The following CPNE2 variants were observed in gnomAD, a reference collection of about 807,000 sequenced individuals.
CPNE2 encodes copine 2, also known as copine-2.
Under a neutral mutation model 69.7 loss-of-function variants are expected in CPNE2, and 42 were observed. The observed-to-expected ratio is 0.60, with a 90% confidence interval of 0.47 to 0.78. CPNE2 has a LOEUF of 0.78. Ranked by LOEUF, CPNE2 falls within the 30% of genes least tolerant of loss-of-function variation. The pLI is 0.00. For missense variants in CPNE2, 587 were observed against 732.0 expected (o/e 0.80, Z 2.29); for synonymous variants, 294 against 289.8 (o/e 1.01, Z -0.15).
intron 10 of CPNE2, chr16:57,124,863 G>C (rs2069789281): frequency 4.3e-6 from 1 of 232,124 alleles, no homozygotes; most frequent in African/African-American, 2.2e-5. Context: ...CCTGCACAGA[G>C]GCCAGGCCCT....
chr16:57,119,032 C>G (rs1288554974), intron 5 of CPNE2, among the ~76,000 whole-genome samples, 163 bp from the exon 6 acceptor site: 2 of 152,022 alleles, frequency 1.3e-5, no homozygotes, highest in African/African-American at 4.8e-5. Flanking sequence ...CTGCCCTGGG[C>G]CTCTTGCTGA....
chr16:57,103,053 C>T lies in CPNE2; in HGVS notation c.-35-7655C>T, dbSNP rs116095424. On this transcript the variant is annotated intron_variant, in intron 1 of 15. Transcript: ENST00000290776. ...ATGGGTTCCTAACTAATGCCTGGTA[C>T]TGACCGTGACCAGGCAACCACGCCC... Among the ~76,000 whole-genome samples the T allele has an allele frequency of 4.2e-3, 647 of 152,294 alleles. 4 individuals are homozygous for T. Among genetic ancestry groups the T allele is most frequent in the African/African-American group, 0.015 (620 of 41,560 alleles).
chr16:57,122,864 A>T (rs912740420), intron 9 of CPNE2, among the ~76,000 whole-genome samples: 2 of 150,714 alleles, frequency 1.3e-5, no homozygotes, highest in African/African-American at 4.9e-5. Context: ...AACTGCTAGG[A>T]TTACAGGAAT....
chr16:57,132,683 T>G lies in CPNE2; in HGVS notation c.1117-2092T>G, dbSNP rs1488754765. On this transcript the variant is annotated intron_variant, in intron 12 of 15. Transcript: ENST00000290776. ...GTGGCCTCCAGGAACTTGTTCTGTTTATGACTTTTCTCAGGCAAACCAGGG... is the reference window on the plus strand; with the variant it reads ...GTGGCCTCCAGGAACTTGTTCTGTTGATGACTTTTCTCAGGCAAACCAGGG... 5.3e-5 allele frequency among the ~76,000 whole-genome samples: 8 copies of G among 152,272 alleles called. No individual in the cohort carries two copies. The East Asian group carries it at 1.4e-3, about 26-fold the overall frequency.
At chr16:57,095,379 G>C (rs1179965627) in intron 1 of CPNE2, among the ~76,000 whole-genome samples, 3 of 152,246 alleles carry the variant, frequency 2.0e-5, no homozygotes, top group Non-Finnish European at 4.4e-5. Flanking sequence ...CCCTCATTGG[G>C]CCACTGGACC....
chr16:57,106,737 G>A (rs1238246272), intron 1 of CPNE2, among the ~76,000 whole-genome samples: 1 of 152,172 alleles, frequency 6.6e-6, no homozygotes, highest in Non-Finnish European at 1.5e-5. Context: ...GCAATGGTGG[G>A]AGATGCAGGG....
At chr16:57,095,881 G>C (rs1458776591) in intron 1 of CPNE2, among the ~76,000 whole-genome samples, 1 of 152,154 alleles carries the variant, frequency 6.6e-6, no homozygotes, top group African/African-American at 2.4e-5. Context: ...TATTTTTCTT[G>C]GGGCATTTGC....
intron 1 of CPNE2, among the ~76,000 whole-genome samples, chr16:57,099,862 G>A (rs1262071948): frequency 6.9e-6 from 1 of 145,238 alleles, no homozygotes; most frequent in Non-Finnish European, 1.5e-5. Context: ...TGCAACCTCT[G>A]CCTCCTGGAT....
intron 2 of CPNE2, among the ~76,000 whole-genome samples, chr16:57,112,675 C>T (rs1462177240): frequency 6.6e-6 from 1 of 152,192 alleles, no homozygotes; most frequent in Non-Finnish European, 1.5e-5. Flanking sequence ...TGTCCTCAGC[C>T]AGGCTTTGGT....
intron 4 of CPNE2, among the ~76,000 whole-genome samples, chr16:57,116,307 C>T (rs1211831820): frequency 1.3e-5 from 2 of 152,096 alleles, no homozygotes; most frequent in Non-Finnish European, 2.9e-5. Context: ...CTGAACATAC[C>T]TCAGGCTCTT....
intron 8 of CPNE2, 28 bp downstream of exon 8, chr16:57,121,219 C>G: frequency 6.3e-7 from 1 of 1,596,552 alleles, no homozygotes; most frequent in Non-Finnish European, 8.6e-7. Context: ...ACTGTAACCC[C>G]AAGACCTCAG....
chr16:57,101,865 A>G (rs181429335), intron 1 of CPNE2, among the ~76,000 whole-genome samples: 1 of 152,128 alleles, frequency 6.6e-6, no homozygotes, highest in African/African-American at 2.4e-5. Flanking sequence ...CCAGCAGAGC[A>G]TGTTAAAACA....
At position 57,135,391 on chromosome 16, in the gene CPNE2, G is replaced by T. The variant is rs575102465; in HGVS notation, c.1168+565G>T. The stretch of plus-strand genomic sequence containing the variant: ...GACAGTTAAGAAACTATTAGAGGCC[G>T]GATGCTGTGGCTCATGCCTGTAATC... On this transcript the variant is annotated intron_variant, in intron 13 of 15. Transcript: ENST00000290776. 4.6e-5 allele frequency among the ~76,000 whole-genome samples: 7 copies of T among 152,300 alleles called. No individual in the cohort carries two copies. The East Asian group carries it at 1.4e-3, about 29-fold the overall frequency.
rs1262813819 is a variant in CPNE2 at position 57,130,143 on chromosome 16, G to A, written c.1116+2240G>A. ...CACTTATAATCTTAGCACTTTGGGA[G>A]GCTGAGGAGGGTGGATCACAAGGTG... On this transcript the variant is annotated intron_variant, in intron 12 of 15. Transcript: ENST00000290776. This position sits in a 1 kb window ranked among gnomAD's most constrained non-coding sequence, Gnocchi z 4.1. Among the ~76,000 whole-genome samples, 42 of 152,252 alleles carry A rather than the reference G, an allele frequency of 2.8e-4. No individual in the cohort carries two copies. Among genetic ancestry groups the A allele is most frequent in the Admixed American group, 2.7e-3 (42 of 15,296 alleles).
chr16:57,121,668 G>C lies in CPNE2; in HGVS notation c.781-6G>C. 6.2e-7 allele frequency: 1 copy of C among 1,613,974 alleles called. No homozygotes were observed. Among genetic ancestry groups the C allele is most frequent in the South Asian group, 1.1e-5 (1 of 91,074 alleles). ...GGTGAGTGTCTCTTTCTTTTGCGTTGCCCAGCTGGAGTTCGAGTGCATCAA... is the reference window on the plus strand; with the variant it reads ...GGTGAGTGTCTCTTTCTTTTGCGTTCCCCAGCTGGAGTTCGAGTGCATCAA... On this transcript the variant is annotated splice_region_variant and splice_polypyrimidine_tract_variant and intron_variant, in intron 8 of 15. Transcript: ENST00000290776.
chr16:57,109,274 G>A (rs2069665520), intron 1 of CPNE2, among the ~76,000 whole-genome samples: 2 of 152,108 alleles, frequency 1.3e-5, no homozygotes, highest in South Asian at 4.1e-4. Context: ...TCGGGAGTTT[G>A]AGACCAGCCT....
chr16:57,123,385 GA>G, intron 9 of CPNE2, 28 bp from the exon 10 acceptor site: 1 of 1,610,680 alleles, frequency 6.2e-7, no homozygotes, highest in Non-Finnish European at 8.5e-7. Context: ...AAGTCAAGGG[GA>G]CCCACTGACT....
At position 57,126,383 on chromosome 16, in the gene CPNE2, G is replaced by A. The variant is rs533341294; in HGVS notation, c.1061+390G>A. Among the ~76,000 whole-genome samples the A allele has an allele frequency of 1.4e-4, 22 of 152,328 alleles. No individual in the cohort carries two copies. In the South Asian group the frequency reaches 4.6e-3, roughly 32 times the overall value. ...CATGGGACCAGAGGCCAGCCATTCT[G>A]GTTCCTGGGCCTGGCGCCTAGTTCC... On this transcript the variant is annotated intron_variant, in intron 11 of 15. Transcript: ENST00000290776.
At chr16:57,115,813 C>T (rs1350925895) in intron 4 of CPNE2, among the ~76,000 whole-genome samples, 1 of 152,238 alleles carries the variant, frequency 6.6e-6, no homozygotes, top group African/African-American at 2.4e-5. Flanking sequence ...CCCTGGGGGT[C>T]GTTCAGAAGT....
Sources: gnomAD v4.1 joint callset for allele counts (sites outside exome capture counted in the v4.1 genomes callset) on GRCh38, gnomAD v4.1.1 for gene constraint, Gnocchi (gnomAD v3.1) non-coding constraint, MANE v1.5 for transcripts, NCBI Gene and HGNC (gene_info 2026-07-23, HGNC 2026-07-21) for gene names.